The following RORA variants were observed in gnomAD, a reference collection of about 807,000 sequenced individuals.
The protein encoded by RORA is nuclear receptor ROR-alpha.
RORA carries 7 observed loss-of-function variants against 69.5 expected under a neutral mutation model. The observed-to-expected ratio is 0.10, with a 90% CI of 0.06 to 0.19. The LOEUF (loss-of-function observed/expected upper bound fraction) is 0.19. Among genes scored for constraint, RORA ranks in the 10% least tolerant of loss-of-function variants. RORA has a pLI of 1.00. For synonymous variants in RORA, 261 were observed against 240.8 expected (o/e 1.08, Z -0.78); for missense variants, 457 against 663.0 (o/e 0.69, Z 3.41).
intron 1 of RORA, among the ~76,000 whole-genome samples, chr15:61,190,587 C>G (rs1223574827): frequency 6.6e-6 from 1 of 152,000 alleles, no homozygotes; most frequent in Non-Finnish European, 1.5e-5. Flanking sequence ...ATTGCGAAAC[C>G]CCATCTCTAC....
chr15:61,117,100 T>A (rs983796312), intron 1 of RORA, among the ~76,000 whole-genome samples: 1 of 152,170 alleles, frequency 6.6e-6, no homozygotes, highest in Admixed American at 6.5e-5. Context: ...TAAGTCTGTT[T>A]CTCATAAATG....
chr15:60,521,310 C>T (rs1285674639), intron 3 of RORA, among the ~76,000 whole-genome samples: 1 of 151,200 alleles, frequency 6.6e-6, no homozygotes, highest in African/African-American at 2.4e-5. Flanking sequence ...GGCATTACCT[C>T]GGGTCACTGC....
At chr15:60,521,340 C>A (rs2066161057) in intron 3 of RORA, among the ~76,000 whole-genome samples, 1 of 151,124 alleles carries the variant, frequency 6.6e-6, no homozygotes, top group African/African-American at 2.4e-5. Flanking sequence ...CTCCTGGGTT[C>A]AAGTGATTCT....
chr15:60,983,850 G>A (rs1894117886), intron 1 of RORA, among the ~76,000 whole-genome samples: 1 of 152,160 alleles, frequency 6.6e-6, no homozygotes, highest in Non-Finnish European at 1.5e-5. Context: ...TTGAGCATAT[G>A]TTCTCAGGAC....
In RORA at chr15:60,901,234, C is replaced by T. The variant is rs138722063; in HGVS notation, c.167-222548G>A. On this transcript the variant is annotated intron_variant, in intron 1 of 10. Coordinates refer to ENST00000335670, the MANE Select transcript of RORA (RefSeq NM_134261.3). ...TCGCCCAGGATGCAGTGCAGTGGTG[C>T]GATCTCAGCTCACTGCAACCACTCC... Among the ~76,000 whole-genome samples the T allele has an allele frequency of 1.2e-3, 190 of 152,058 alleles. 3 individuals carry two copies. The East Asian group carries it at 0.033, about 26-fold the overall frequency.
intron 1 of RORA, among the ~76,000 whole-genome samples, chr15:60,776,387 A>G (rs113858857): frequency 7.7e-4 from 117 of 152,324 alleles, no homozygotes; most frequent in African/African-American, 2.6e-3. Flanking sequence ...AAACAGGCGG[A>G]ACTCTGTCCA....
intron 1 of RORA, among the ~76,000 whole-genome samples, chr15:61,109,873 A>C (rs1258694943): frequency 6.6e-6 from 1 of 152,204 alleles, no homozygotes; most frequent in Non-Finnish European, 1.5e-5. Flanking sequence ...TGGCATTCTA[A>C]GTACTAATAT....
intron 2 of RORA, among the ~76,000 whole-genome samples, chr15:60,658,351 G>T (rs1320743943): frequency 6.6e-6 from 1 of 152,150 alleles, no homozygotes; most frequent in Non-Finnish European, 1.5e-5. Context: ...CACTGTGCCT[G>T]GCCCATTTTC....
At chr15:61,093,391 G>T (rs1408003356) in intron 1 of RORA, among the ~76,000 whole-genome samples, 1 of 152,214 alleles carries the variant, frequency 6.6e-6, no homozygotes, top group African/African-American at 2.4e-5. Context: ...AAGGGCACCA[G>T]CCAAACAAAT....
chr15:60,665,343 G>GA (rs1377717836), intron 2 of RORA, among the ~76,000 whole-genome samples: 1 of 152,176 alleles, frequency 6.6e-6, no homozygotes, highest in Non-Finnish European at 1.5e-5. Context: ...AATGGTAACT[G>GA]AAAATGGTCC....
rs139492245 is a variant in RORA at position 61,128,680 on chromosome 15, A to T, written c.166+100373T>A. Among the ~76,000 whole-genome samples the T allele has an allele frequency of 3.7e-3, 567 of 152,328 alleles. 2 individuals are homozygous for T. The highest frequency in any genetic ancestry group is 0.014 in the Middle Eastern group (4 of 294). On this transcript the variant is annotated intron_variant, in intron 1 of 10. Coordinates refer to ENST00000335670, the MANE Select transcript of RORA (RefSeq NM_134261.3). The surrounding 1 kb of genome is among the most constrained non-coding windows in gnomAD (Gnocchi z 4.5). ...TTCCAACTGCCAGGGACACATATGA[A>T]TGCTGTGATATCTGTCAGGGAAGGG...
At chr15:60,763,750 C>T (rs1476656892) in intron 1 of RORA, among the ~76,000 whole-genome samples, 1 of 152,176 alleles carries the variant, frequency 6.6e-6, no homozygotes, top group Admixed American at 6.5e-5. Context: ...CTCGGGTTTC[C>T]GCTGGACCTA....
At chr15:61,027,141 C>T (rs1211370600) in intron 1 of RORA, among the ~76,000 whole-genome samples, 5 of 152,156 alleles carry the variant, frequency 3.3e-5, no homozygotes, top group East Asian at 1.9e-4. Context: ...CCAGTGTGGG[C>T]GAGGGTCCAT....
intron 1 of RORA, among the ~76,000 whole-genome samples, chr15:61,195,444 A>C (rs1331938069): frequency 6.6e-6 from 1 of 151,706 alleles, no homozygotes; most frequent in African/African-American, 2.4e-5. Context: ...TGGCATTCAC[A>C]GTTCTCCACA....
chr15:61,144,833 G>C (rs939803324), intron 1 of RORA, among the ~76,000 whole-genome samples: 1 of 152,156 alleles, frequency 6.6e-6, no homozygotes, highest in African/African-American at 2.4e-5. Flanking sequence ...ATGCACTAAA[G>C]TTATTAACAT....
intron 1 of RORA, among the ~76,000 whole-genome samples, chr15:61,097,109 C>T (rs1256089952): frequency 6.6e-6 from 1 of 152,104 alleles, no homozygotes; most frequent in East Asian, 1.9e-4. Flanking sequence ...GAGGAAAAAG[C>T]AAACAAGAGG....
At chr15:61,087,185 T>C (rs2078638479) in intron 1 of RORA, among the ~76,000 whole-genome samples, 1 of 152,066 alleles carries the variant, frequency 6.6e-6, no homozygotes, top group African/African-American at 2.4e-5. Context: ...AAACAAAAAG[T>C]GAGCATATGA....
chr15:60,757,132 A>G (rs1308353911), intron 1 of RORA, among the ~76,000 whole-genome samples: 1 of 152,222 alleles, frequency 6.6e-6, no homozygotes, highest in Non-Finnish European at 1.5e-5. Flanking sequence ...AAATGAGTGC[A>G]TAAGTTTAGA....
chr15:60,661,552 A>G (rs2070304530), intron 2 of RORA, among the ~76,000 whole-genome samples: 1 of 152,212 alleles, frequency 6.6e-6, no homozygotes, highest in Non-Finnish European at 1.5e-5. Context: ...TGTTGGAACC[A>G]TGGAAACTTT....
Sources: gnomAD v4.1 joint callset for allele counts (sites outside exome capture counted in the v4.1 genomes callset) on GRCh38, gnomAD v4.1.1 for gene constraint, Gnocchi (gnomAD v3.1) non-coding constraint, MANE v1.5 for transcripts, NCBI Gene and HGNC (gene_info 2026-07-23, HGNC 2026-07-21) for gene names.